Variants in ME3 observed in about 807,000 individuals in gnomAD.
The protein encoded by ME3 is NADP-dependent malic enzyme, mitochondrial.
A neutral mutation model predicts 68.9 loss-of-function variants in ME3; 48 were observed. That is an observed-to-expected ratio of 0.70 (90% CI 0.55 to 0.89). The LOEUF (loss-of-function observed/expected upper bound fraction) is 0.89. Among genes scored for constraint, ME3 ranks in the 40% least tolerant of loss-of-function variants. The pLI is 0.00. For missense variants in ME3, 675 were observed against 797.4 expected, an observed-to-expected ratio of 0.85 and a Z score of 1.85; for synonymous variants, 320 against 318.8, an observed-to-expected ratio of 1.00 and a Z score of -0.04.
chr11:86,560,768 A>ATATATATATATATATATATATATATG (rs1957189271), intron 2 of ME3, among the ~76,000 whole-genome samples: 2 of 135,104 alleles, frequency 1.5e-5, no homozygotes, highest in South Asian at 2.4e-4. Context: ...ATATATATAT[A>ATATATATATATATATATATATATATG]TATATTTCCA....
chr11:86,661,893 G>A lies in ME3; in HGVS notation c.183+9869C>T, dbSNP rs189523269. Among the ~76,000 whole-genome samples, 447 of 151,120 alleles carry A rather than the reference G, an allele frequency of 3.0e-3. 2 individuals carry two copies. The highest frequency in any genetic ancestry group is 0.01 in the African/African-American group (430 of 41,004). ...TATTGTATTGTATTGTATTGACCAC[G>A]GTGTCTCCACTGCCTAAAACTAAAC... On this transcript the variant is annotated intron_variant, in intron 2 of 14. Transcript: ENST00000543262.
chr11:86,565,206 C>A (rs1957422966), intron 2 of ME3, among the ~76,000 whole-genome samples: 1 of 152,164 alleles, frequency 6.6e-6, no homozygotes, highest in South Asian at 2.1e-4. Flanking sequence ...CACATACACA[C>A]ACACACACCC....
intron 7 of ME3, among the ~76,000 whole-genome samples, chr11:86,468,338 TCATCCATC>T (rs990626833): frequency 6.6e-6 from 1 of 152,178 alleles, no homozygotes; most frequent in African/African-American, 2.4e-5. Flanking sequence ...CAACCATCCA[TCATCCATC>T]CATCCATCCA....
exon 15 of ME3, chr11:86,441,265 C>T (rs773438197): frequency 6.4e-7 from 1 of 1,565,500 alleles, no homozygotes; most frequent in Non-Finnish European, 8.6e-7. Flanking sequence ...CCCATACTAG[C>T]CTCTGAGACT....
At chr11:86,544,354 A>T (rs190644048) in intron 4 of ME3, among the ~76,000 whole-genome samples, 1 of 152,210 alleles carries the variant, frequency 6.6e-6, no homozygotes, top group Non-Finnish European at 1.5e-5. Flanking sequence ...AAAAAAATCA[A>T]TGAATCCAGG....
At chr11:86,559,226 G>T (rs1221630947) in intron 3 of ME3, among the ~76,000 whole-genome samples, 1 of 152,102 alleles carries the variant, frequency 6.6e-6, no homozygotes, top group East Asian at 1.9e-4. Flanking sequence ...TCCATCCTAA[G>T]GTGTCCCCTG....
chr11:86,483,275 G>A (rs1412671029), intron 7 of ME3, among the ~76,000 whole-genome samples: 1 of 152,182 alleles, frequency 6.6e-6, no homozygotes, highest in Non-Finnish European at 1.5e-5. Context: ...GTCCCATTTA[G>A]GTTGAAGTGA....
exon 2 of ME3, chr11:86,671,822 C>A (rs762531914): frequency 6.2e-7 from 1 of 1,600,926 alleles, no homozygotes; most frequent in Admixed American, 1.7e-5. Context: ...GCACAGGGCG[C>A]GCCGGGCCAG....
At position 86,623,909 on chromosome 11, in the gene ME3, C is replaced by T. The variant is rs112353386; in HGVS notation, c.183+47853G>A. On this transcript the variant is annotated intron_variant, in intron 2 of 14. Transcript: ENST00000543262. ...AATGTCTGCCCAGATCAAAATCACA[C>T]CTCCCTGCCTGCCCACACACATATG... Among the ~76,000 whole-genome samples, 802 of 152,264 alleles carry T rather than the reference C, an allele frequency of 5.3e-3. 3 individuals are homozygous for T. The highest frequency in any genetic ancestry group is 0.018 in the African/African-American group (748 of 41,544).
chr11:86,671,197 T>C (rs1168448221), intron 2 of ME3, among the ~76,000 whole-genome samples: 2 of 152,236 alleles, frequency 1.3e-5, no homozygotes, highest in East Asian at 1.9e-4. Flanking sequence ...AACTAGGATC[T>C]CTAATGCTCC....
At chr11:86,617,457 G>A (rs1943053852) in intron 2 of ME3, among the ~76,000 whole-genome samples, 1 of 152,048 alleles carries the variant, frequency 6.6e-6, no homozygotes, top group Non-Finnish European at 1.5e-5. Context: ...GTGGGCTTTG[G>A]GGTCATTGCT....
chr11:86,671,173 AAAG>A (rs763860422), intron 2 of ME3, among the ~76,000 whole-genome samples: 131 of 152,326 alleles, frequency 8.6e-4, no homozygotes, highest in Non-Finnish European at 3.1e-4. Flanking sequence ...GTTTTTTGTA[AAAG>A]AAGAGGTTTA....
chr11:86,587,808 T>C (rs1958827606), intron 2 of ME3, among the ~76,000 whole-genome samples: 1 of 152,264 alleles, frequency 6.6e-6, no homozygotes, highest in Admixed American at 6.5e-5. Flanking sequence ...ATTGAGTTAC[T>C]TTTAGAACAA....
chr11:86,651,910 G>A (rs1438729758), intron 2 of ME3, among the ~76,000 whole-genome samples: 2 of 152,192 alleles, frequency 1.3e-5, no homozygotes, highest in Non-Finnish European at 2.9e-5. Context: ...GGACCTCATG[G>A]AGCTGAAAAC....
chr11:86,525,333 A>G (rs1594292844), intron 4 of ME3, among the ~76,000 whole-genome samples: 1 of 152,200 alleles, frequency 6.6e-6, no homozygotes, highest in South Asian at 2.1e-4. Flanking sequence ...GAAACTTTTG[A>G]TGTTGACAGA....
chr11:86,653,936 TACAAAC>T (rs1945664009), intron 2 of ME3, among the ~76,000 whole-genome samples: 1 of 152,020 alleles, frequency 6.6e-6, no homozygotes, highest in Non-Finnish European at 1.5e-5. Flanking sequence ...CCCACAGAAA[TACAAAC>T]TGCCATCAGA....
At chr11:86,437,829 G>C (rs563104089), downstream of ME3, among the ~76,000 whole-genome samples, 8 of 150,192 alleles carry the variant, frequency 5.3e-5, no homozygotes, top group East Asian at 1.4e-3. Context: ...ATTAGTTCCA[G>C]TAGACAGAGA....
chr11:86,514,171 C>T (rs1403357856), intron 4 of ME3, among the ~76,000 whole-genome samples: 1 of 152,148 alleles, frequency 6.6e-6, no homozygotes. Flanking sequence ...GAAGAAGGTG[C>T]CTGCTTCCCC....
intron 7 of ME3, among the ~76,000 whole-genome samples, chr11:86,485,546 C>A (rs1394382141): frequency 6.6e-6 from 1 of 152,172 alleles, no homozygotes; most frequent in Non-Finnish European, 1.5e-5. Flanking sequence ...ATCTAACTTT[C>A]TGATCACCAC....
Sources: gnomAD v4.1 joint callset for allele counts (sites outside exome capture counted in the v4.1 genomes callset) on GRCh38, gnomAD v4.1.1 for gene constraint, MANE v1.5 for transcripts, NCBI Gene and HGNC (gene_info 2026-07-23, HGNC 2026-07-21) for gene names.